Variants in ANK1 observed in about 807,000 individuals in gnomAD.
ANK1 encodes ankyrin-1.
Under a neutral mutation model 210.4 loss-of-function variants are expected in ANK1, and 51 were observed. The ratio of observed to expected loss-of-function variants is 0.24; its 90% confidence interval spans 0.19 to 0.31. The LOEUF is 0.31. ANK1 is among the 10% of genes least tolerant of loss of function. The pLI, the probability that ANK1 is intolerant of heterozygous loss-of-function variation, is 1.00. For synonymous variants in ANK1, 967 were observed against 1,025.9 expected, an observed-to-expected ratio of 0.94 and a Z score of 1.10; for missense variants, 2,051 against 2,504.4, an observed-to-expected ratio of 0.82 and a Z score of 3.86.
chr8:41,665,142 C>T, intron 39 of ANK1: 2 of 1,539,612 alleles, frequency 1.3e-6, no homozygotes, highest in Non-Finnish European at 8.7e-7. Context: ...CATTCCCCCT[C>T]CCTATCTCTC....
chr8:41,710,613 C>T (rs937612136), intron 16 of ANK1, among the ~76,000 whole-genome samples: 2 of 152,246 alleles, frequency 1.3e-5, no homozygotes, highest in African/African-American at 4.8e-5. Context: ...GGGTTAAGGG[C>T]AATGCCAGGC....
rs141111232 is a variant in ANK1 at position 41,745,606 on chromosome 8, T to G, written c.130-11537A>C. On this transcript the variant is annotated intron_variant, in intron 2 of 42. Coordinates refer to ENST00000289734, the MANE Select transcript of ANK1 (RefSeq NM_000037.4). Reference sequence around the variant, plus strand: ...TGATGTTGTGGGGGTAATTCTGGGGTCTAAGTAGGGGACAGGTGGCCCGCT... The same window carrying G: ...TGATGTTGTGGGGGTAATTCTGGGGGCTAAGTAGGGGACAGGTGGCCCGCT... Among the ~76,000 whole-genome samples, 3 of 152,030 alleles carry G rather than the reference T, an allele frequency of 2.0e-5. No homozygotes were observed. The East Asian group carries it at 5.8e-4, about 29-fold the overall frequency.
At chr8:41,845,611 C>T (rs1809870474) in intron 1 of ANK1, among the ~76,000 whole-genome samples, 1 of 152,020 alleles carries the variant, frequency 6.6e-6, no homozygotes. Flanking sequence ...GACTCACTCC[C>T]TTCCTGCTGC....
chr8:41,783,065 G>C (rs1197261140), intron 1 of ANK1, among the ~76,000 whole-genome samples: 1 of 152,176 alleles, frequency 6.6e-6, no homozygotes, highest in Non-Finnish European at 1.5e-5. Context: ...CCCAGGAGGA[G>C]GAAGAAATTA....
chr8:41,684,387 C>T (rs889439981), intron 37 of ANK1, 157 bp downstream of exon 37: 20 of 1,247,696 alleles, frequency 1.6e-5, no homozygotes, highest in South Asian at 1.2e-4. Context: ...TCTGCTTCCC[C>T]GGAAAGGAGG....
chr8:41,869,782 T>A (rs1056203818), intron 1 of ANK1, among the ~76,000 whole-genome samples: 1 of 152,216 alleles, frequency 6.6e-6, no homozygotes, highest in East Asian at 1.9e-4. Context: ...TGCAATTTGC[T>A]GACCCAGGTT....
chr8:41,696,282 TC>T, intron 26 of ANK1, 80 bp downstream of exon 26: 2 of 1,502,810 alleles, frequency 1.3e-6, no homozygotes, highest in Non-Finnish European at 1.8e-6. Flanking sequence ...CAGTTCTGTT[TC>T]CCCATCAGGA....
At chr8:41,824,146 G>T (rs1203943450) in intron 1 of ANK1, among the ~76,000 whole-genome samples, 1 of 151,952 alleles carries the variant, frequency 6.6e-6, no homozygotes, top group African/African-American at 2.4e-5. Context: ...TTTTAGTAGA[G>T]ATGGGATGGG....
chr8:41,774,988 G>C lies in ANK1; in HGVS notation c.28-16851C>G, dbSNP rs143034296. Among the ~76,000 whole-genome samples, 252 of 152,332 alleles carry C rather than the reference G, an allele frequency of 1.7e-3. 1 individual carries two copies. Among genetic ancestry groups the C allele is most frequent in the African/African-American group, 5.4e-3 (226 of 41,574 alleles). On this transcript the variant is annotated intron_variant, in intron 1 of 42. Transcript: ENST00000289734. ...CTGCGGCCTGCTGGTATGCGAGGAG[G>C]AGGAGCACATACTGGAGAAAATGCA...
intron 37 of ANK1, among the ~76,000 whole-genome samples, chr8:41,675,523 G>A (rs1362396750): frequency 6.6e-6 from 1 of 152,182 alleles, no homozygotes; most frequent in African/African-American, 2.4e-5. Context: ...CTTGCGGAAG[G>A]CCATACAGCT....
At chr8:41,885,133 G>C (rs1362557860) in intron 1 of ANK1, among the ~76,000 whole-genome samples, 1 of 152,188 alleles carries the variant, frequency 6.6e-6, no homozygotes, top group Non-Finnish European at 1.5e-5. Context: ...AGGAAGCAGG[G>C]ATGCAATGGA....
chr8:41,793,198 G>A (rs1249299590), intron 1 of ANK1, among the ~76,000 whole-genome samples: 1 of 152,146 alleles, frequency 6.6e-6, no homozygotes, highest in Non-Finnish European at 1.5e-5. Context: ...GCAACATAGT[G>A]AGACCCCTGT....
chr8:41,723,791 TA>T (rs1430723567), intron 7 of ANK1, among the ~76,000 whole-genome samples, 158 bp from the exon 8 acceptor site: 6 of 149,656 alleles, frequency 4.0e-5, no homozygotes, highest in East Asian at 1.9e-4. Flanking sequence ...TTTTATTTTT[TA>T]TTTTTTTTTT....
chr8:41,865,070 C>A (rs886624730), intron 1 of ANK1, among the ~76,000 whole-genome samples: 1 of 152,284 alleles, frequency 6.6e-6, no homozygotes, highest in East Asian at 1.9e-4. Context: ...GTAGGGTCTG[C>A]GAGCATCCAG....
chr8:41,688,724 G>T, intron 33 of ANK1, 135 bp from the exon 34 acceptor site: 1 of 782,558 alleles, frequency 1.3e-6, no homozygotes, highest in East Asian at 2.7e-5. Flanking sequence ...TTTCTTCAGG[G>T]ACTTAACACA....
intron 1 of ANK1, among the ~76,000 whole-genome samples, chr8:41,789,628 TG>T (rs1194555664): frequency 6.6e-6 from 1 of 152,164 alleles, no homozygotes; most frequent in East Asian, 1.9e-4. Flanking sequence ...TGAAGACTAG[TG>T]GGGAGACAGG....
chr8:41,742,851 C>T (rs942737610), intron 2 of ANK1, among the ~76,000 whole-genome samples: 1 of 152,110 alleles, frequency 6.6e-6, no homozygotes, highest in Non-Finnish European at 1.5e-5. Context: ...ATGCAGGCAG[C>T]AAAGATCCAG....
chr8:41,725,707 C>T, intron 6 of ANK1, 54 bp downstream of exon 6: 2 of 1,575,940 alleles, frequency 1.3e-6, no homozygotes, highest in Non-Finnish European at 1.7e-6. Flanking sequence ...CGCGGTGCCC[C>T]CTGAGCCCAC....
chr8:41,660,278 G>A (rs981847850), intron 42 of ANK1, among the ~76,000 whole-genome samples: 3 of 152,124 alleles, frequency 2.0e-5, no homozygotes, highest in African/African-American at 7.2e-5. Flanking sequence ...ACTTTTGGTG[G>A]CTCAGGAGGC....
Sources: allele counts gnomAD v4.1 joint callset (sites outside exome capture counted in the v4.1 genomes callset), GRCh38; gene constraint gnomAD v4.1.1; transcripts MANE v1.5; gene names NCBI Gene and HGNC (gene_info 2026-07-23, HGNC 2026-07-21).